The following CALN1 variants were observed in gnomAD, a reference collection of about 807,000 sequenced individuals.
The protein encoded by CALN1 is calcium-binding protein 8.
In CALN1, 17 loss-of-function variants were observed where a neutral mutation model predicts 30.6. That is an observed-to-expected ratio of 0.56 (90% CI 0.38 to 0.83). The LOEUF (loss-of-function observed/expected upper bound fraction) is 0.83. Ranked by LOEUF, CALN1 falls within the 40% of genes least tolerant of loss-of-function variation. The pLI is 0.00. For missense variants in CALN1, 291 were observed against 354.9 expected (o/e 0.82, Z 1.45); for synonymous variants, 156 against 131.4 (o/e 1.19, Z -1.28).
In CALN1 at chr7:72,230,353, A is replaced by AAAAAAG. The variant is rs935771135; in HGVS notation, c.244+48332_244+48333insCTTTTT. Among the ~76,000 whole-genome samples the AAAAAAG allele has an allele frequency of 4.4e-3, 664 of 150,964 alleles. 8 individuals are homozygous for AAAAAAG. The highest frequency in any genetic ancestry group is 0.013 in the African/African-American group (551 of 41,144). On this transcript the variant is annotated intron_variant, in intron 3 of 6. Coordinates refer to ENST00000395275, the MANE Select transcript of CALN1 (RefSeq NM_031468.4). ...TCTACAATAGATACTAAAAAAAAAA[A>AAAAAAG]AAAATTAGCTGGGTGTGGTAGCATA... is the stretch of plus-strand genomic sequence containing the variant.
At chr7:71,943,061 A>C (rs148633398) in intron 5 of CALN1, among the ~76,000 whole-genome samples, 2 of 152,244 alleles carry the variant, frequency 1.3e-5, no homozygotes, top group Middle Eastern at 3.4e-3. Flanking sequence ...TTGGTGTCTC[A>C]TGTCTCCCTA....
At chr7:72,388,959 T>C (rs548737324) in intron 2 of CALN1, among the ~76,000 whole-genome samples, 1 of 152,182 alleles carries the variant, frequency 6.6e-6, no homozygotes, top group East Asian at 1.9e-4. Context: ...GCTGGGTCTC[T>C]ATTTTGCCCT....
At chr7:72,458,903 GT>G in the CALN1 span, among the ~76,000 whole-genome samples, 1 of 141,364 alleles carries the variant, frequency 7.1e-6, no homozygotes. Flanking sequence ...TTTTTTTGGG[GT>G]TTTTTGTTTG....
At chr7:72,289,237 T>C (rs950662970) in intron 2 of CALN1, among the ~76,000 whole-genome samples, 3 of 152,228 alleles carry the variant, frequency 2.0e-5, no homozygotes, top group African/African-American at 7.2e-5. Context: ...CTCTTTATTC[T>C]CTTTTTGGTA....
rs187948098 is a variant in CALN1, at chr7:71,912,637, G to A, written c.502-102145C>T. Among the ~76,000 whole-genome samples, 212 of 152,210 alleles carry A rather than the reference G, an allele frequency of 1.4e-3. 2 individuals are homozygous for A. The highest frequency in any genetic ancestry group is 3.4e-3 in the Middle Eastern group (1 of 294). On this transcript the variant is annotated intron_variant, in intron 5 of 6. Transcript: ENST00000395275. Reference sequence around the variant, plus strand: ...ACCCAGTAGATATAACTGAGTTCCCGCTGAACTTGGCAGTAGAGAGCGAAC... The same window carrying A: ...ACCCAGTAGATATAACTGAGTTCCCACTGAACTTGGCAGTAGAGAGCGAAC...
the CALN1 span, among the ~76,000 whole-genome samples, chr7:72,459,524 G>A: frequency 6.6e-6 from 1 of 151,908 alleles, no homozygotes; most frequent in African/African-American, 2.4e-5. Context: ...TACTCAGGAG[G>A]CTGAGGCAGG....
chr7:72,139,660 G>A (rs1047155265), intron 3 of CALN1, among the ~76,000 whole-genome samples: 5 of 151,536 alleles, frequency 3.3e-5, no homozygotes, highest in Admixed American at 2.6e-4. Flanking sequence ...TAAGCACCTC[G>A]GCCATGTCCA....
chr7:71,957,371 A>G (rs1346011249), intron 5 of CALN1, among the ~76,000 whole-genome samples: 2 of 152,176 alleles, frequency 1.3e-5, no homozygotes, highest in Non-Finnish European at 2.9e-5. Context: ...ACAAAAGCCT[A>G]AAAAGGAAAT....
chr7:72,212,970 C>CA (rs1792519947), intron 3 of CALN1, among the ~76,000 whole-genome samples: 1 of 152,180 alleles, frequency 6.6e-6, no homozygotes, highest in African/African-American at 2.4e-5. Context: ...GTGGAGTCCA[C>CA]AAAACAGAAA....
At chr7:72,395,457 T>A (rs1805866010) in intron 2 of CALN1, among the ~76,000 whole-genome samples, 1 of 152,148 alleles carries the variant, frequency 6.6e-6, no homozygotes, top group Non-Finnish European at 1.5e-5. Context: ...CTGTAGGGCA[T>A]CACTAAGATT....
At chr7:72,449,874 C>CAAAAAAAA (rs71069071), upstream of CALN1, among the ~76,000 whole-genome samples, 4 of 52,316 alleles carry the variant, frequency 7.6e-5, no homozygotes, top group Non-Finnish European at 1.7e-4. Context: ...GACTCCGTCT[C>CAAAAAAAA]AAAAAAAAAA....
At position 72,318,704 on chromosome 7, in the gene CALN1, C is replaced by CTTTTTT. The variant is rs71069057; in HGVS notation, c.120-39900_120-39895dup. 1.8e-4 allele frequency among the ~76,000 whole-genome samples: 13 copies of CTTTTTT among 72,018 alleles called. 1 individual carries two copies. The highest frequency in any genetic ancestry group is 9.5e-4 in the Admixed American group (4 of 4,194). 47.2% of individuals were successfully genotyped at this position (72,018 alleles called of 152,430 possible). ...CACAGGCATGCACCACCATGTGTAGCTTTTTTTTTTTTTTTTTTTTTTTTT... is the reference window on the plus strand; with the variant it reads ...CACAGGCATGCACCACCATGTGTAGCTTTTTTTTTTTTTTTTTTTTTTTTTTTTTTT... On this transcript the variant is annotated intron_variant, in intron 2 of 6. Transcript: ENST00000395275.
intron 5 of CALN1, among the ~76,000 whole-genome samples, chr7:71,926,042 A>G (rs866893637): frequency 4.6e-5 from 7 of 152,020 alleles, no homozygotes; most frequent in Admixed American, 1.3e-4. Flanking sequence ...TTTGAGGACA[A>G]CTGTCACAAC....
At chr7:72,341,101 T>C (rs181097224) in intron 2 of CALN1, among the ~76,000 whole-genome samples, 2 of 152,240 alleles carry the variant, frequency 1.3e-5, no homozygotes, top group Admixed American at 1.3e-4. Context: ...ATGAACAGAG[T>C]TGACAGGATC....
At chr7:72,150,267 G>T (rs941263066) in intron 3 of CALN1, among the ~76,000 whole-genome samples, 1 of 152,128 alleles carries the variant, frequency 6.6e-6, no homozygotes, top group African/African-American at 2.4e-5. Context: ...TAAATTATTT[G>T]AATCAATAAA....
chr7:72,240,350 G>T (rs758474059), intron 3 of CALN1, among the ~76,000 whole-genome samples: 1 of 151,912 alleles, frequency 6.6e-6, no homozygotes, highest in Non-Finnish European at 1.5e-5. Context: ...ACGTGCCACC[G>T]TGCCAGGCTA....
intron 5 of CALN1, among the ~76,000 whole-genome samples, chr7:71,887,426 T>C (rs1468565033): frequency 2.0e-5 from 3 of 152,030 alleles, no homozygotes; most frequent in African/African-American, 7.2e-5. Flanking sequence ...CTCCCAAGTA[T>C]CTGGAATTAC....
chr7:72,483,280 C>CTTTTT, the CALN1 span, among the ~76,000 whole-genome samples: 26 of 100,096 alleles, frequency 2.6e-4, no homozygotes, highest in Non-Finnish European at 4.0e-4. Context: ...TTTTCTTTTT[C>CTTTTT]TTTTTTTTTT....
intron 5 of CALN1, among the ~76,000 whole-genome samples, chr7:71,837,280 T>G (rs1789678870): frequency 1.5e-5 from 2 of 134,328 alleles, no homozygotes; most frequent in Non-Finnish European, 3.1e-5. Flanking sequence ...CAAAGTTAGC[T>G]CTCCAGATCT....
Sources: allele counts gnomAD v4.1 joint callset (sites outside exome capture counted in the v4.1 genomes callset), GRCh38; gene constraint gnomAD v4.1.1; transcripts MANE v1.5; gene names NCBI Gene and HGNC (gene_info 2026-07-23, HGNC 2026-07-21).